Variants in SCFD2 observed in about 807,000 individuals in gnomAD.
SCFD2 encodes sec1 family domain-containing protein 2.
A neutral mutation model predicts 58.9 loss-of-function variants in SCFD2; 54 were observed. That is an observed-to-expected ratio of 0.92 (90% CI 0.74 to 1.15). The LOEUF is 1.15. Among genes scored for constraint, SCFD2 ranks in the 50% most tolerant of loss-of-function variants. SCFD2 has a pLI of 0.00. For synonymous variants in SCFD2, 321 were observed against 335.9 expected, an observed-to-expected ratio of 0.96 and a Z score of 0.49; for missense variants, 805 against 836.6, an observed-to-expected ratio of 0.96 and a Z score of 0.47.
At chr4:52,938,474 A>T (rs1720200320) in intron 5 of SCFD2, among the ~76,000 whole-genome samples, 2 of 152,204 alleles carry the variant, frequency 1.3e-5, no homozygotes, top group Non-Finnish European at 2.9e-5. Flanking sequence ...GCTAGGAGAA[A>T]GATCAGTTTA....
At chr4:53,181,455 AC>A (rs1379120221) in intron 4 of SCFD2, among the ~76,000 whole-genome samples, 1 of 152,092 alleles carries the variant, frequency 6.6e-6, no homozygotes, top group Non-Finnish European at 1.5e-5. Flanking sequence ...AAATTCAACA[AC>A]CCTTCAGGCT....
chr4:52,928,498 T>G (rs1194701383), intron 5 of SCFD2, among the ~76,000 whole-genome samples: 1 of 152,028 alleles, frequency 6.6e-6, no homozygotes, highest in Admixed American at 6.5e-5. Context: ...ACTAACAAAA[T>G]TAGAGCTATA....
At chr4:52,909,603 T>C (rs537142042) in intron 6 of SCFD2, among the ~76,000 whole-genome samples, 1 of 152,314 alleles carries the variant, frequency 6.6e-6, no homozygotes, top group South Asian at 2.1e-4. Context: ...AGACTTTTCA[T>C]TGTATTGTTT....
At chr4:52,925,692 A>G (rs566684125) in intron 5 of SCFD2, among the ~76,000 whole-genome samples, 30 of 152,272 alleles carry the variant, frequency 2.0e-4, no homozygotes, top group Admixed American at 5.9e-4. Flanking sequence ...TAAGTGTCCA[A>G]TTCCAGTCAA....
intron 5 of SCFD2, among the ~76,000 whole-genome samples, chr4:53,031,133 C>A (rs1258570967): frequency 1.3e-5 from 2 of 152,098 alleles, no homozygotes; most frequent in African/African-American, 2.4e-5. Context: ...GATACCCAGG[C>A]AAACAGGGTC....
chr4:52,935,486 C>T, intron 5 of SCFD2, among the ~76,000 whole-genome samples: 1 of 152,164 alleles, frequency 6.6e-6, no homozygotes, highest in African/African-American at 2.4e-5. Context: ...AGCACATACT[C>T]ACTGTAAATC....
intron 5 of SCFD2, among the ~76,000 whole-genome samples, chr4:53,011,426 G>C (rs1397615085): frequency 6.6e-6 from 1 of 152,154 alleles, no homozygotes; most frequent in Non-Finnish European, 1.5e-5. Flanking sequence ...AGAAGGACTT[G>C]ATTAGGAACC....
intron 7 of SCFD2, among the ~76,000 whole-genome samples, chr4:52,893,152 A>T (rs1410899391): frequency 6.6e-6 from 1 of 152,072 alleles, no homozygotes; most frequent in Admixed American, 6.5e-5. Flanking sequence ...AGTCCAATGG[A>T]CCTAATCCAA....
chr4:53,207,480 T>TCAGAAAAAAATCAC (rs1293448555), intron 4 of SCFD2, among the ~76,000 whole-genome samples: 1 of 31,258 alleles, frequency 3.2e-5, no homozygotes, highest in Non-Finnish European at 5.5e-5. Flanking sequence ...TTGAAATATA[T>TCAGAAAAAAATCAC]TATATATATA....
At chr4:53,324,586 G>A (rs1370690967) in intron 2 of SCFD2, among the ~76,000 whole-genome samples, 1 of 152,148 alleles carries the variant, frequency 6.6e-6, no homozygotes, top group East Asian at 1.9e-4. Context: ...AGGGAACAAG[G>A]GAAAAACACA....
intron 4 of SCFD2, among the ~76,000 whole-genome samples, chr4:53,182,040 C>G (rs957913948): frequency 4.6e-5 from 7 of 152,052 alleles, no homozygotes; most frequent in African/African-American, 1.2e-4. Flanking sequence ...ATGCTCATGT[C>G]TAGGAAGAAT....
chr4:53,263,080 T>C (rs373234823), intron 4 of SCFD2, among the ~76,000 whole-genome samples: 104 of 152,204 alleles, frequency 6.8e-4, no homozygotes, highest in African/African-American at 2.3e-3. Flanking sequence ...TTTCTCTAAG[T>C]GTGTCTTTGA....
At chr4:53,145,008 G>A (rs1355535956) in intron 5 of SCFD2, among the ~76,000 whole-genome samples, 1 of 152,162 alleles carries the variant, frequency 6.6e-6, no homozygotes, top group Non-Finnish European at 1.5e-5. Flanking sequence ...GATTCTCATA[G>A]GAGTGTGAAC....
chr4:53,097,112 C>T (rs959321123), intron 5 of SCFD2, among the ~76,000 whole-genome samples: 5 of 152,200 alleles, frequency 3.3e-5, no homozygotes, highest in African/African-American at 1.2e-4. Flanking sequence ...GTTTTGGTTA[C>T]TGTAGCCTTG....
intron 5 of SCFD2, among the ~76,000 whole-genome samples, chr4:52,985,972 C>A (rs1721481900): frequency 1.3e-5 from 2 of 151,984 alleles, no homozygotes; most frequent in South Asian, 2.1e-4. Context: ...GAAATAATTT[C>A]TTCGAAGACA....
At position 52,904,842 on chromosome 4, in the gene SCFD2, T is replaced by C. The variant is rs866675163; in HGVS notation, c.1842+2615A>G. Among the ~76,000 whole-genome samples the C allele has an allele frequency of 2.0e-5, 3 of 152,346 alleles. 1 individual carries two copies. The highest frequency in any genetic ancestry group is 3.4e-3 in the Middle Eastern group (1 of 294). ...AATTCTGGTGTCACTATTTCCTGTG[T>C]GCTCTTAGGAAAACGCCTGAGAACA... On this transcript the variant is annotated intron_variant, in intron 7 of 8. Transcript: ENST00000401642.
chr4:52,976,614 C>T (rs966574388), intron 5 of SCFD2, among the ~76,000 whole-genome samples: 6 of 152,080 alleles, frequency 3.9e-5, no homozygotes, highest in South Asian at 2.1e-4. Context: ...GAATGCCAGC[C>T]GACCCTGACA....
At chr4:53,238,414 A>C (rs1577880606) in intron 4 of SCFD2, among the ~76,000 whole-genome samples, 7 of 94,790 alleles carry the variant, frequency 7.4e-5, no homozygotes, top group Admixed American at 1.2e-4. Flanking sequence ...TGACCCCCCT[A>C]CCTCCCTCCC....
chr4:52,939,051 C>A (rs1372401015), intron 5 of SCFD2, among the ~76,000 whole-genome samples: 1 of 152,120 alleles, frequency 6.6e-6, no homozygotes, highest in East Asian at 1.9e-4. Context: ...GGATGTCTGG[C>A]AGAACCCTCA....
Sources: gnomAD v4.1 joint callset for allele counts (sites outside exome capture counted in the v4.1 genomes callset) on GRCh38, gnomAD v4.1.1 for gene constraint, MANE v1.5 for transcripts, NCBI Gene and HGNC (gene_info 2026-07-23, HGNC 2026-07-21) for gene names.